The following LOC128462377 variants were observed in gnomAD, a reference collection of about 807,000 sequenced individuals.
chr16:89,320,026 A>C, the LOC128462377 span: 2 of 152,286 alleles, frequency 1.3e-5, no homozygotes, highest in African/African-American at 4.8e-5. Context: ...ACCGTTACTC[A>C]GCCGTGTCAG....
the LOC128462377 span, among the ~76,000 whole-genome samples, chr16:89,417,551 G>A: frequency 6.6e-6 from 1 of 152,144 alleles, no homozygotes; most frequent in Non-Finnish European, 1.5e-5. Flanking sequence ...ACTCCCAGGA[G>A]GAGGCAAGGA....
At chr16:89,402,445 C>T in the LOC128462377 span, among the ~76,000 whole-genome samples, 3 of 151,930 alleles carry the variant, frequency 2.0e-5, no homozygotes, top group Non-Finnish European at 4.4e-5. Flanking sequence ...ATGAGGAAGC[C>T]GAGGCGGGAA....
the LOC128462377 span, chr16:89,395,876 C>T: frequency 6.6e-6 from 1 of 152,184 alleles, no homozygotes; most frequent in Non-Finnish European, 1.5e-5. Context: ...TTTCAACGCA[C>T]TACGTCCCGA....
At chr16:89,385,805 C>A in the LOC128462377 span, among the ~76,000 whole-genome samples, 3 of 152,256 alleles carry the variant, frequency 2.0e-5, no homozygotes, top group Admixed American at 2.0e-4. Context: ...CCTGCCTCAC[C>A]CCCGCCGCTG....
At chr16:89,317,976 A>G in the LOC128462377 span, among the ~76,000 whole-genome samples, 1 of 152,120 alleles carries the variant, frequency 6.6e-6, no homozygotes, top group African/African-American at 2.4e-5. Context: ...GTGTCCCTAC[A>G]GCACAAAGCC....
At chr16:89,323,794 C>T in the LOC128462377 span, 1 of 250,028 alleles carries the variant, frequency 4.0e-6, no homozygotes, top group Non-Finnish European at 7.8e-6. Flanking sequence ...TCCTTCCCCT[C>T]CTCAGGGCCA....
chr16:89,390,390 G>A, the LOC128462377 span, among the ~76,000 whole-genome samples: 1 of 152,140 alleles, frequency 6.6e-6, no homozygotes, highest in South Asian at 2.1e-4. Flanking sequence ...GAAGATCACT[G>A]GATCAAACCC....
the LOC128462377 span, among the ~76,000 whole-genome samples, chr16:89,319,427 C>T: frequency 2.6e-5 from 4 of 152,314 alleles, no homozygotes; most frequent in South Asian, 6.2e-4. Context: ...TGCATCACAG[C>T]GAACACTCCG....
the LOC128462377 span, among the ~76,000 whole-genome samples, chr16:89,398,562 T>A: frequency 2.0e-5 from 3 of 152,008 alleles, no homozygotes; most frequent in African/African-American, 7.2e-5. Context: ...TAAAAAAAAT[T>A]TTTTTTTAAC....
At chr16:89,380,882 C>A in the LOC128462377 span, among the ~76,000 whole-genome samples, 1 of 152,324 alleles carries the variant, frequency 6.6e-6, no homozygotes, top group Non-Finnish European at 1.5e-5. Context: ...GGCAATGCAG[C>A]TCAGAGGTCG....
the LOC128462377 span, chr16:89,395,987 C>T: frequency 6.6e-6 from 1 of 152,176 alleles, no homozygotes; most frequent in Non-Finnish European, 1.5e-5. Context: ...ACAGGAAGCA[C>T]CAATCTTCAG....
At chr16:89,377,062 C>A in the LOC128462377 span, among the ~76,000 whole-genome samples, 1 of 152,198 alleles carries the variant, frequency 6.6e-6, no homozygotes, top group Non-Finnish European at 1.5e-5. Flanking sequence ...AGTACCTTGC[C>A]TTGCCAGTAA....
At chr16:89,330,550 G>A in the LOC128462377 span, among the ~76,000 whole-genome samples, 1 of 151,704 alleles carries the variant, frequency 6.6e-6, no homozygotes, top group African/African-American at 2.4e-5. Context: ...AGTCATTGAT[G>A]GGGTGGTGTG....
At chr16:89,343,268 C>T in the LOC128462377 span, among the ~76,000 whole-genome samples, 5 of 152,338 alleles carry the variant, frequency 3.3e-5, no homozygotes, top group African/African-American at 1.2e-4. Flanking sequence ...GCTGGGATTA[C>T]AGGTGTGAGC....
chr16:89,327,411 G>A, the LOC128462377 span, among the ~76,000 whole-genome samples: 3 of 152,132 alleles, frequency 2.0e-5, no homozygotes, highest in Non-Finnish European at 4.4e-5. Context: ...GGGCAGAAAG[G>A]AAGAAATGGA....
the LOC128462377 span, among the ~76,000 whole-genome samples, chr16:89,416,883 G>A: frequency 6.6e-6 from 1 of 152,184 alleles, no homozygotes; most frequent in South Asian, 2.1e-4. Context: ...GGGGTGTGGG[G>A]TGCTCCCTCA....
the LOC128462377 span, among the ~76,000 whole-genome samples, chr16:89,406,126 A>AC: frequency 1.1e-4 from 17 of 151,828 alleles, no homozygotes; most frequent in African/African-American, 3.9e-4. Context: ...AAAAAAAAAA[A>AC]AAACCTTCAG....
the LOC128462377 span, among the ~76,000 whole-genome samples, chr16:89,414,430 G>C: frequency 6.6e-6 from 1 of 152,286 alleles, no homozygotes; most frequent in East Asian, 1.9e-4. Context: ...TCACGCAGCC[G>C]CACCGCCTGA....
the LOC128462377 span, among the ~76,000 whole-genome samples, chr16:89,335,909 C>T: frequency 2.0e-5 from 3 of 152,184 alleles, no homozygotes; most frequent in African/African-American, 7.2e-5. Flanking sequence ...AGCTGACTGG[C>T]CAGACCCCTG....
Sources: gnomAD v4.1 joint callset for allele counts (sites outside exome capture counted in the v4.1 genomes callset) on GRCh38, gnomAD v4.1.1 for gene constraint, MANE v1.5 for transcripts.